CWC27: variants seen among roughly 807,000 people sequenced by gnomAD.
The protein encoded by CWC27 is CWC27 spliceosome associated cyclophilin.
CWC27 carries 47 observed loss-of-function variants against 63.6 expected under a neutral mutation model. The observed-to-expected ratio is 0.74, with a 90% confidence interval of 0.58 to 0.94. CWC27 has a LOEUF of 0.94. Ranked by LOEUF, CWC27 falls within the 40% of genes least tolerant of loss-of-function variation. The probability of loss-of-function intolerance (pLI) is 0.00; values close to 1 mark genes in which losing one functional copy is unlikely to be tolerated. For missense variants in CWC27, 495 were observed against 554.3 expected (o/e 0.89, Z 1.07); for synonymous variants, 175 against 179.8 (o/e 0.97, Z 0.22).
At position 65,018,410 on chromosome 5, in the gene CWC27, T is replaced by C; in HGVS notation, c.*89T>C. On this transcript the variant is annotated 3_prime_UTR_variant, in exon 14 of 14. Coordinates refer to ENST00000381070, the MANE Select transcript of CWC27 (RefSeq NM_005869.4). ...TGTTCCCAACAGCATCACTTAGGGGTGTGAAAAGAAGTATTTTTGAACCTG... is the reference window on the plus strand; with the variant it reads ...TGTTCCCAACAGCATCACTTAGGGGCGTGAAAAGAAGTATTTTTGAACCTG... 8.9e-7 allele frequency: 1 copy of C among 1,128,956 alleles called. No homozygotes were observed. The highest frequency in any genetic ancestry group is 2.0e-5 in the South Asian group (1 of 51,092). The allele number at this position is 1,128,956 out of a possible 1,614,324, so 69.9% of individuals were successfully genotyped here. A position where few individuals can be genotyped will look rare whatever the true frequency, so the allele number is the denominator to read the frequency against.
chr5:64,848,748 G>A (rs900697577), intron 10 of CWC27, among the ~76,000 whole-genome samples: 1 of 152,138 alleles, frequency 6.6e-6, no homozygotes, highest in Non-Finnish European at 1.5e-5. Flanking sequence ...ATGTGATCAT[G>A]TCACTAGATG....
chr5:64,890,059 G>T (rs780108087), intron 11 of CWC27, among the ~76,000 whole-genome samples: 1 of 152,128 alleles, frequency 6.6e-6, no homozygotes, highest in African/African-American at 2.4e-5. Flanking sequence ...TAGTCACATA[G>T]AGATGACAGG....
intron 10 of CWC27, among the ~76,000 whole-genome samples, chr5:64,853,632 T>G (rs1459032697): frequency 6.6e-6 from 1 of 152,110 alleles, no homozygotes; most frequent in Non-Finnish European, 1.5e-5. Flanking sequence ...TGGCTTCGGG[T>G]GAAGTCCTCA....
intron 10 of CWC27, among the ~76,000 whole-genome samples, chr5:64,864,915 A>C (rs1259200275): frequency 1.3e-5 from 2 of 152,124 alleles, no homozygotes; most frequent in Non-Finnish European, 2.9e-5. Flanking sequence ...ATTTACTCTC[A>C]GCAATTTTGA....
chr5:64,982,090 A>G (rs1249118681), intron 13 of CWC27, among the ~76,000 whole-genome samples: 4 of 152,202 alleles, frequency 2.6e-5, no homozygotes, highest in Non-Finnish European at 5.9e-5. Flanking sequence ...GTGCAGAAGC[A>G]ACAACTACCA....
chr5:64,788,484 T>C (rs1290079442), intron 6 of CWC27, among the ~76,000 whole-genome samples: 1 of 152,028 alleles, frequency 6.6e-6, no homozygotes, highest in Admixed American at 6.6e-5. Context: ...TTGCTCATAT[T>C]TTTTTGTCTG....
chr5:64,842,025 G>A (rs1400652545), intron 10 of CWC27, among the ~76,000 whole-genome samples: 1 of 152,172 alleles, frequency 6.6e-6, no homozygotes, highest in Non-Finnish European at 1.5e-5. Context: ...TTGACAAACT[G>A]CAGACTACAG....
At chr5:64,789,049 C>T (rs1251455648) in intron 7 of CWC27, 29 bp downstream of exon 7, 9 of 1,509,408 alleles carry the variant, frequency 6.0e-6, no homozygotes, top group Middle Eastern at 1.7e-4. Flanking sequence ...TTTGTTCTAA[C>T]TTACAAAAGA....
Position 64,977,229 on chromosome 5 carries a change from A to T in CWC27, c.1247A>T (p.Asp416Val). The change falls in exon 13 of 14, where the codon GAT (aspartate) becomes GTT (valine). Residue 416 changes from aspartate to valine, a missense_variant. Asp to Val is a radical substitution (Grantham distance 152). This residue lies in a region of CWC27 where 463 missense variants were observed against 498.1 expected (regional missense o/e 0.93). Coordinates refer to ENST00000381070, the MANE Select transcript of CWC27 (RefSeq NM_005869.4). ...ATTCCTGAAACAGAAGTAGAAGATG[A>T]TGAAGGATGGTAAGGGCTTTGATTT... ...NDIPETEVED[D>V]EGWMSHVLQF... 1 of 1,606,496 alleles carries T rather than the reference A, an allele frequency of 6.2e-7. No individual in the cohort carries two copies. The highest frequency in any genetic ancestry group is 8.5e-7 in the Non-Finnish European group (1 of 1,173,796).
intron 10 of CWC27, among the ~76,000 whole-genome samples, chr5:64,873,947 T>A (rs1175426064): frequency 6.6e-6 from 1 of 152,128 alleles, no homozygotes; most frequent in Non-Finnish European, 1.5e-5. Flanking sequence ...CAGTGTATGT[T>A]CTTGGTGCTT....
At chr5:64,915,533 A>G (rs1292506097) in intron 11 of CWC27, among the ~76,000 whole-genome samples, 1 of 152,164 alleles carries the variant, frequency 6.6e-6, no homozygotes, top group African/African-American at 2.4e-5. Flanking sequence ...TCAGCAATGC[A>G]TACAAGATTA....
At chr5:64,826,195 C>T (rs1745355217) in intron 10 of CWC27, among the ~76,000 whole-genome samples, 1 of 152,098 alleles carries the variant, frequency 6.6e-6, no homozygotes, top group African/African-American at 2.4e-5. Context: ...ATTGTGTTCT[C>T]ATTTTCATTC....
At position 64,769,109 on chromosome 5, in the gene CWC27, A is replaced by T. The variant is rs1743142606; in HGVS notation, c.-38A>T. The stretch of plus-strand genomic sequence containing the variant: ...CTTTAGTGGCCGGCCGGCCGCTCTC[A>T]TCCCCCGTAAGGAGCAGAGTCCTTT... On this transcript the variant is annotated 5_prime_UTR_variant, in exon 1 of 14. Transcript: ENST00000381070. 1 of 1,604,714 alleles carries T rather than the reference A, an allele frequency of 6.2e-7. No homozygotes were observed. The highest frequency in any genetic ancestry group is 1.3e-5 in the African/African-American group (1 of 74,446).
chr5:64,807,926 C>A (rs1047213061), intron 10 of CWC27: 22 of 1,428,586 alleles, frequency 1.5e-5, no homozygotes, highest in Admixed American at 2.8e-5. Context: ...AAATACATAT[C>A]ATCTAGCTTC....
At chr5:64,956,089 T>C (rs1472103207) in intron 11 of CWC27, among the ~76,000 whole-genome samples, 1 of 152,100 alleles carries the variant, frequency 6.6e-6, no homozygotes, top group Non-Finnish European at 1.5e-5. Context: ...CTTAAAAAAT[T>C]CTTAGACACG....
rs550989590 is a variant in CWC27, at chr5:64,770,165, G to A, written c.42+977G>A. 4.6e-5 allele frequency among the ~76,000 whole-genome samples: 7 copies of A among 152,296 alleles called. No homozygotes were observed. In the South Asian group the frequency reaches 1.4e-3, roughly 32 times the overall value. ...ATTGACATTTGATAATGTAATGAGA[G>A]CAATTTAAAAGTGAAACCAAAAATG... is the stretch of plus-strand genomic sequence containing the variant. On this transcript the variant is annotated intron_variant, in intron 1 of 13. Transcript: ENST00000381070.
chr5:64,913,911 A>G (rs1747840282), intron 11 of CWC27, among the ~76,000 whole-genome samples: 1 of 152,130 alleles, frequency 6.6e-6, no homozygotes, highest in African/African-American at 2.4e-5. Flanking sequence ...AAAGTCAAAA[A>G]TGAGATAGAC....
intron 10 of CWC27, among the ~76,000 whole-genome samples, chr5:64,873,144 T>C (rs895209280): frequency 6.6e-6 from 1 of 152,166 alleles, no homozygotes; most frequent in African/African-American, 2.4e-5. Context: ...ACGGAAGGTG[T>C]ACAAAAGGAA....
rs1267786848 is a variant in CWC27 at position 64,801,468 on chromosome 5, A to G, written c.780+136A>G. The stretch of plus-strand genomic sequence containing the variant: ...TATATATGTCAAATTTTGGAAAAAT[A>G]TGAAAAACAGAAATTATTTAGGTGT... On this transcript the variant is annotated intron_variant, in intron 9 of 13. Coordinates refer to ENST00000381070, the MANE Select transcript of CWC27 (RefSeq NM_005869.4). 4.1e-6 allele frequency: 3 copies of G among 736,782 alleles called. No individual in the cohort carries two copies. In the South Asian group the frequency reaches 8.4e-5, roughly 21 times the overall value. 45.6% of individuals were successfully genotyped at this position (736,782 alleles called of 1,614,324 possible).
Sources: gnomAD v4.1 joint callset for allele counts (sites outside exome capture counted in the v4.1 genomes callset) on GRCh38, gnomAD v4.1.1 for gene constraint, gnomAD v4.1.1 regional missense constraint, MANE v1.5 for transcripts, NCBI Gene and HGNC (gene_info 2026-07-23, HGNC 2026-07-21) for gene names.